The following MALRD1 variants were observed in gnomAD, a reference collection of about 807,000 sequenced individuals.
The protein encoded by MALRD1 is MAM and LDL receptor class A domain containing 1.
In MALRD1, 247 loss-of-function variants were observed where a neutral mutation model predicts 242.1. The ratio of observed to expected loss-of-function variants is 1.02; its 90% CI spans 0.92 to 1.13. The LOEUF (loss-of-function observed/expected upper bound fraction) is 1.13. MALRD1 is among the 50% of genes most tolerant of loss of function. MALRD1 has a pLI of 0.00. For synonymous variants in MALRD1, 995 were observed against 866.6 expected (o/e 1.15, Z -2.60); for missense variants, 2,989 against 2,533.1 (o/e 1.18, Z -3.86).
At chr10:19,665,416 C>T (rs184202484) in intron 36 of MALRD1, among the ~76,000 whole-genome samples, 21 of 152,176 alleles carry the variant, frequency 1.4e-4, no homozygotes, top group South Asian at 2.1e-4. Context: ...TCCCATTTCT[C>T]GTACCAGAAG....
chr10:19,172,239 A>T (rs999893297), intron 13 of MALRD1, among the ~76,000 whole-genome samples: 8 of 149,870 alleles, frequency 5.3e-5, no homozygotes, highest in Non-Finnish European at 1.0e-4. Context: ...GTTTGGTTAA[A>T]ACCAGCAATA....
intron 1 of MALRD1, among the ~76,000 whole-genome samples, chr10:19,060,355 A>C (rs1834787188): frequency 6.6e-6 from 1 of 152,158 alleles, no homozygotes; most frequent in African/African-American, 2.4e-5. Flanking sequence ...CTGCTCCCTG[A>C]TGCTGGCCTA....
At chr10:19,598,386 T>G (rs1282259890) in intron 34 of MALRD1, 1 of 152,066 alleles carries the variant, frequency 6.6e-6, no homozygotes, top group South Asian at 2.1e-4. Context: ...CTTGCTTTGT[T>G]CCAGCTACCA....
chr10:19,680,940 T>C (rs1842343191), intron 36 of MALRD1, among the ~76,000 whole-genome samples: 1 of 152,174 alleles, frequency 6.6e-6, no homozygotes, highest in Non-Finnish European at 1.5e-5. Flanking sequence ...GGGTTGGAAA[T>C]TATTGTCTTT....
intron 29 of MALRD1, among the ~76,000 whole-genome samples, chr10:19,474,869 A>G (rs1390856617): frequency 6.6e-6 from 1 of 152,130 alleles, no homozygotes; most frequent in African/African-American, 2.4e-5. Flanking sequence ...ACAGGGCAGG[A>G]AATTAAGAAT....
At position 19,171,584 on chromosome 10, in the gene MALRD1, CTA is replaced by C. The variant is rs1345268413; in HGVS notation, c.1831-3622_1831-3621del. On this transcript the variant is annotated intron_variant, in intron 13 of 39. Transcript: ENST00000454679. Reference sequence around the variant, plus strand: ...TAAATACACACACACATATATATGTCTATGTGTGTATATAAATACACACACAC... The same window carrying C: ...TAAATACACACACACATATATATGTCTGTGTGTATATAAATACACACACAC... 4.8e-4 allele frequency among the ~76,000 whole-genome samples: 64 copies of C among 134,326 alleles called. 1 individual carries two copies. The highest frequency in any genetic ancestry group is 8.8e-4 in the Non-Finnish European group (55 of 62,620). 88.1% of individuals were successfully genotyped at this position (134,326 alleles called of 152,430 possible).
At chr10:19,297,250 C>T (rs1466529986) in intron 21 of MALRD1, among the ~76,000 whole-genome samples, 2 of 151,538 alleles carry the variant, frequency 1.3e-5, no homozygotes, top group Admixed American at 6.6e-5. Context: ...TATACAAGTT[C>T]TGTGAACTTT....
At chr10:19,542,181 C>A (rs1437214950) in intron 32 of MALRD1, among the ~76,000 whole-genome samples, 2 of 152,112 alleles carry the variant, frequency 1.3e-5, no homozygotes, top group African/African-American at 4.8e-5. Context: ...AGACTAGGTG[C>A]AAAGTCACCT....
At chr10:19,278,303 G>A (rs931524879) in intron 19 of MALRD1, among the ~76,000 whole-genome samples, 1 of 152,284 alleles carries the variant, frequency 6.6e-6, no homozygotes, top group Non-Finnish European at 1.5e-5. Flanking sequence ...ATCAACCTTT[G>A]AAAGTTTAAG....
intron 28 of MALRD1, among the ~76,000 whole-genome samples, chr10:19,439,505 G>A (rs961276374): frequency 5.3e-5 from 8 of 151,092 alleles, no homozygotes; most frequent in Non-Finnish European, 5.9e-5. Context: ...ACCACTGCAC[G>A]CTAGGCTGGG....
At chr10:19,439,545 A>G (rs1306979005) in intron 28 of MALRD1, among the ~76,000 whole-genome samples, 2 of 151,390 alleles carry the variant, frequency 1.3e-5, no homozygotes, top group African/African-American at 4.9e-5. Context: ...CTCAAAAAAA[A>G]AGTGGGGGAT....
chr10:19,363,986 G>T (rs1176086559), intron 26 of MALRD1, among the ~76,000 whole-genome samples: 1 of 152,034 alleles, frequency 6.6e-6, no homozygotes, highest in African/African-American at 2.4e-5. Context: ...AAGGCCCTGA[G>T]AATATGAAGG....
chr10:19,299,857 G>A (rs1841868302), intron 21 of MALRD1, among the ~76,000 whole-genome samples: 1 of 151,854 alleles, frequency 6.6e-6, no homozygotes, highest in Admixed American at 6.6e-5. Context: ...TAGCTCTGGA[G>A]CCTTAGCCAG....
intron 10 of MALRD1, among the ~76,000 whole-genome samples, chr10:19,137,231 C>T (rs1265703876): frequency 6.6e-6 from 1 of 151,952 alleles, no homozygotes; most frequent in African/African-American, 2.4e-5. Context: ...TCCTCCAGGG[C>T]AGCTACCATG....
chr10:19,414,696 G>A (rs2130896201), intron 28 of MALRD1, among the ~76,000 whole-genome samples: 1 of 152,030 alleles, frequency 6.6e-6, no homozygotes, highest in Non-Finnish European at 1.5e-5. Flanking sequence ...AGGGAAAGGA[G>A]GGCTTTGTGA....
At chr10:19,460,547 C>G (rs530501197) in intron 29 of MALRD1, among the ~76,000 whole-genome samples, 5 of 151,842 alleles carry the variant, frequency 3.3e-5, no homozygotes, top group African/African-American at 9.7e-5. Flanking sequence ...AGTATTGGAG[C>G]AAGCCACTGA....
At chr10:19,683,633 A>C (rs185502973) in intron 36 of MALRD1, among the ~76,000 whole-genome samples, 1 of 152,328 alleles carries the variant, frequency 6.6e-6, no homozygotes, top group East Asian at 1.9e-4. Flanking sequence ...GATGAGGCTT[A>C]ATGTGATAAA....
intron 11 of MALRD1, among the ~76,000 whole-genome samples, chr10:19,148,656 C>T (rs570805877): frequency 7.3e-5 from 11 of 151,102 alleles, no homozygotes; most frequent in Admixed American, 2.0e-4. Context: ...CATTCTTTTC[C>T]GGTGAGATGA....
intron 4 of MALRD1, among the ~76,000 whole-genome samples, chr10:19,095,159 T>G (rs956905171): frequency 1.3e-5 from 2 of 152,200 alleles, no homozygotes; most frequent in African/African-American, 2.4e-5. Context: ...TTGGATTCAA[T>G]TTTACGTTCG....
Sources: gnomAD v4.1 joint callset for allele counts (sites outside exome capture counted in the v4.1 genomes callset) on GRCh38, gnomAD v4.1.1 for gene constraint, MANE v1.5 for transcripts, NCBI Gene and HGNC (gene_info 2026-07-23, HGNC 2026-07-21) for gene names.